POLE: variants seen among roughly 807,000 people sequenced by gnomAD.
The protein encoded by POLE is DNA polymerase epsilon catalytic subunit A.
Under a neutral mutation model 279.2 loss-of-function variants are expected in POLE, and 188 were observed. That is an observed-to-expected ratio of 0.67 (90% CI 0.60 to 0.76). The LOEUF (loss-of-function observed/expected upper bound fraction) is 0.76, where lower values mean the gene tolerates loss of function less well. Among genes scored for constraint, POLE ranks in the 30% least tolerant of loss-of-function variants. The pLI is 0.00. For synonymous variants in POLE, 1,214 were observed against 1,172.5 expected, an observed-to-expected ratio of 1.04 and a Z score of -0.72; for missense variants, 2,703 against 3,016.7, an observed-to-expected ratio of 0.90 and a Z score of 2.44.
At chr12:132,645,397 T>C (rs972557695) in intron 32 of POLE, among the ~76,000 whole-genome samples, 4 of 149,320 alleles carry the variant, frequency 2.7e-5, no homozygotes, top group Non-Finnish European at 5.9e-5. Context: ...TGTGGGGGGC[T>C]GGGGGAATCC....
At chr12:132,624,841 C>T (rs2041797466) in intron 48 of POLE, 31 bp from the exon 49 acceptor site, 1 of 1,586,180 alleles carries the variant, frequency 6.3e-7, no homozygotes, top group Non-Finnish European at 8.7e-7. Flanking sequence ...AGTGAGACCC[C>T]AGTCCACTCA....
chr12:132,639,119 A>G lies in POLE; in HGVS notation c.5552+6T>C. 6.2e-7 allele frequency: 1 copy of G among 1,613,526 alleles called. No homozygotes were observed. Among genetic ancestry groups the G allele is most frequent in the Non-Finnish European group, 8.5e-7 (1 of 1,179,486 alleles). On this transcript the variant is annotated splice_donor_region_variant and intron_variant, in intron 40 of 48. Transcript: ENST00000320574. This position sits in a 1 kb window ranked among gnomAD's most constrained non-coding sequence, Gnocchi z 4.7. The stretch of plus-strand genomic sequence containing the variant: ...GGTGGACAGCCCAGGGAGGAGGAGC[A>G]CTCACTGCAGGAAGAGCTTCTTCAT...
chr12:132,644,019 G>A (rs2138563463), intron 32 of POLE, 42 bp from the exon 33 acceptor site: 1 of 1,596,972 alleles, frequency 6.3e-7, no homozygotes, highest in Non-Finnish European at 8.6e-7. Flanking sequence ...GGGCGTAAGT[G>A]GTAATGTCTG....
At chr12:132,674,305 C>T (rs2042995106) in intron 12 of POLE, among the ~76,000 whole-genome samples, 1 of 152,120 alleles carries the variant, frequency 6.6e-6, no homozygotes, top group Non-Finnish European at 1.5e-5. Context: ...CCCCCGCAGC[C>T]TCCACCCTGT....
rs5744857 is a variant in POLE, at chr12:132,659,414, C to T, written c.3156G>A (p.Thr1052=). ...CCAGGCGCTTTGCTGTGCTGATGGA[C>T]GTAGACTTCTGCTCCCCGTAATCTT... ...KLEDYGEQKS[T]SISTAKRLAE... The change falls in exon 26 of 49, where the codon ACG becomes ACA. Residue 1052 remains threonine (T), a synonymous_variant. Coordinates refer to ENST00000320574, the MANE Select transcript of POLE (RefSeq NM_006231.4). The T allele has an allele frequency of 0.46, 748,774 of 1,613,846 alleles. 179,148 individuals carry two copies. The highest frequency in any genetic ancestry group is 0.72 in the African/African-American group (53,654 of 74,986).
chr12:132,660,895 AGGAAGCACG>A, intron 25 of POLE, 65 bp downstream of exon 25: 2 of 1,289,792 alleles, frequency 1.6e-6, no homozygotes, highest in Non-Finnish European at 2.1e-6. Context: ...CCAGGAGCCC[AGGAAGCACG>A]GGGTCCCCTT....
rs1483809345 is a variant in POLE at position 132,676,630 on chromosome 12, G to A, written c.825C>T (p.Asp275=). 2 of 1,613,270 alleles carry A rather than the reference G, an allele frequency of 1.2e-6. No individual in the cohort carries two copies. Among genetic ancestry groups the A allele is most frequent in the Non-Finnish European group, 1.7e-6 (2 of 1,179,276 alleles). ...ERPDPVVLAF[D]IETTKLPLKF... Reference sequence around the variant, plus strand: ...TGAGGGGCAGTTTGGTCGTCTCAATGTCAAATGCCAAAACCACAGGGTCCT... The same window carrying A: ...TGAGGGGCAGTTTGGTCGTCTCAATATCAAATGCCAAAACCACAGGGTCCT... Residue 275 remains aspartate (D), a synonymous_variant, in exon 9 of 49, where the codon GAC becomes GAT. Coordinates refer to ENST00000320574, the MANE Select transcript of POLE (RefSeq NM_006231.4).
Position 132,634,434 on chromosome 12 carries a change from G to A in POLE, c.5812-56C>T. On this transcript the variant is annotated intron_variant, in intron 42 of 48. Transcript: ENST00000320574. This position sits in a 1 kb window ranked among gnomAD's most constrained non-coding sequence, Gnocchi z 4.0. ...TGCACCATCGCGGCCTGGTAGAGGG[G>A]TAGGATGCCACAGCGAAGGCTCCTC... 1.3e-6 allele frequency: 2 copies of A among 1,538,136 alleles called. No homozygotes were observed. Among genetic ancestry groups the A allele is most frequent in the Non-Finnish European group, 8.9e-7 (1 of 1,125,338 alleles).
At chr12:132,633,912 C>T in intron 43 of POLE, 1 of 376,786 alleles carries the variant, frequency 2.7e-6, no homozygotes, top group East Asian at 4.3e-5. Context: ...TAGGAAACTC[C>T]TCAATGACAC....
rs2138510172 is a variant in POLE, at chr12:132,639,226, C to T, written c.5451G>A (p.Gln1817=). The T allele has an allele frequency of 6.2e-7, 1 of 1,614,144 alleles. No individual in the cohort carries two copies. Among genetic ancestry groups the T allele is most frequent in the Non-Finnish European group, 8.5e-7 (1 of 1,179,994 alleles). ...GAAGCCAGCGGTAGAAGTGCATCAC[C>T]TGGTTGTCTGCATAGATGTTGTGGT... is the stretch of plus-strand genomic sequence containing the variant. ...TQYHNIYADN[Q]VMHFYRWLRS... is the part of the protein sequence containing the mutation. Residue 1817 remains glutamine, a synonymous_variant, in exon 40 of 49, where the codon CAG becomes CAA. Transcript: ENST00000320574. This position sits in a 1 kb window ranked among gnomAD's most constrained non-coding sequence, Gnocchi z 4.7.
rs776540681 is a variant in POLE at position 132,677,703 on chromosome 12, C to T, written c.595G>A (p.Gly199Ser). ...GTTTCCTCTTCATCAGTAATGACAC[C>T]GCCCCTCTGCAGAACACTAGGAATT... ...ALLSSVLQRGGVITDEEETSK... is the reference protein window; with the variant it reads ...ALLSSVLQRGSVITDEEETSK... The change falls in exon 7 of 49, where the codon GGT becomes AGT. Residue 199 changes from glycine (G) to serine (S), a missense_variant. Around this residue, in one of 5 missense-constraint regions of POLE, gnomAD observed 1,011 missense variants for 1,111.7 expected, o/e 0.91. Coordinates refer to ENST00000320574, the MANE Select transcript of POLE (RefSeq NM_006231.4). 3.7e-6 allele frequency: 6 copies of T among 1,613,892 alleles called. No homozygotes were observed. Among genetic ancestry groups the T allele is most frequent in the African/African-American group, 2.7e-5 (2 of 74,890 alleles).
At chr12:132,625,229 G>A (rs756897216) in intron 47 of POLE, 21 of 723,068 alleles carry the variant, frequency 2.9e-5, no homozygotes, top group Non-Finnish European at 3.8e-5. Flanking sequence ...CCAGTCCTGA[G>A]GCCTCCTCCA....
At position 132,636,128 on chromosome 12, in the gene POLE, C is replaced by T. The variant is rs569797071; in HGVS notation, c.5679-104G>A. On this transcript the variant is annotated intron_variant, in intron 41 of 48. Coordinates refer to ENST00000320574, the MANE Select transcript of POLE (RefSeq NM_006231.4). ...ATCTGTACCCTCCACTTACTTAACA[C>T]TGAATTTGAAAGTTCATTCAGACCA... 228 of 1,230,608 alleles carry T rather than the reference C, an allele frequency of 1.9e-4. No homozygotes were observed. In the African/African-American group the frequency reaches 3.2e-3, roughly 17 times the overall value. 76.2% of individuals were successfully genotyped at this position (1,230,608 alleles called of 1,614,324 possible).
In POLE at chr12:132,675,726, C is replaced by G. The variant is rs746392495; in HGVS notation, c.1106+9G>C. 1 of 1,612,480 alleles carries G rather than the reference C, an allele frequency of 6.2e-7. No homozygotes were observed. The stretch of plus-strand genomic sequence containing the variant: ...TGCCCAGTTACTCATAGAGAAGACA[C>G]AGACTCACCAGTCAAAAAAGTCCCC... On this transcript the variant is annotated intron_variant, in intron 11 of 48. Transcript: ENST00000320574. The surrounding 1 kb of genome is among the most constrained non-coding windows in gnomAD (Gnocchi z 4.3).
At chr12:132,642,484 A>T in intron 37 of POLE, 22 bp downstream of exon 37, 1 of 1,607,130 alleles carries the variant, frequency 6.2e-7, no homozygotes, top group Non-Finnish European at 8.5e-7. Context: ...CCACTGGCCC[A>T]CAACGACAGT....
chr12:132,659,308 G>A lies in POLE; in HGVS notation c.3262C>T (p.Pro1088Ser), dbSNP rs957043409. 6.2e-7 allele frequency: 1 copy of A among 1,613,928 alleles called. No individual in the cohort carries two copies. Reference protein sequence around the residue: ...YIISRKPEGSPVTERAIPLAI... With the variant: ...YIISRKPEGSSVTERAIPLAI... ...GGGAGCCCTCACCTCTCCGTGACAG[G>A]GGAGCCCTCGGGCTTGCGGGAGATG... Residue 1088 changes from proline (P) to serine (S), a missense_variant, in exon 26 of 49, where the codon CCT (proline) becomes TCT (serine). By Grantham distance (74) the Pro-to-Ser change is moderately conservative. Transcript: ENST00000320574.
At chr12:132,674,433 A>G (rs867636479) in intron 12 of POLE, among the ~76,000 whole-genome samples, 2 of 151,816 alleles carry the variant, frequency 1.3e-5, no homozygotes, top group African/African-American at 2.4e-5. Context: ...ACCAAGCCTC[A>G]TGGTGGTCTT....
chr12:132,660,723 C>A (rs180847410), intron 25 of POLE: 1 of 332,256 alleles, frequency 3.0e-6, no homozygotes, highest in Admixed American at 4.5e-5. Flanking sequence ...ACCACAGGCA[C>A]GCATCACCAT....
chr12:132,625,621 G>T, intron 47 of POLE, 24 bp downstream of exon 47: 3 of 1,611,714 alleles, frequency 1.9e-6, no homozygotes, highest in Admixed American at 1.7e-5. Context: ...CAGGGCACAC[G>T]GGCAGGCGGC....
Sources: allele counts gnomAD v4.1 joint callset (sites outside exome capture counted in the v4.1 genomes callset), GRCh38; gene constraint gnomAD v4.1.1; regional missense constraint gnomAD v4.1.1; non-coding constraint Gnocchi (gnomAD v3.1); transcripts MANE v1.5; gene names NCBI Gene and HGNC (gene_info 2026-07-23, HGNC 2026-07-21).